The following GPC5 variants were observed in gnomAD, a reference collection of about 807,000 sequenced individuals.
The protein encoded by GPC5 is glypican-5.
In GPC5, 47 loss-of-function variants were observed where a neutral mutation model predicts 53.9. The observed-to-expected ratio is 0.87, with a 90% CI of 0.69 to 1.11. GPC5 has a LOEUF of 1.11. GPC5 is among the 50% of genes most tolerant of loss of function. GPC5 has a pLI of 0.00. For synonymous variants in GPC5, 286 were observed against 263.3 expected (o/e 1.09, Z -0.84); for missense variants, 748 against 713.1 (o/e 1.05, Z -0.56).
chr13:92,763,058 T>C (rs906177506), intron 7 of GPC5, among the ~76,000 whole-genome samples: 2 of 152,214 alleles, frequency 1.3e-5, no homozygotes, highest in African/African-American at 4.8e-5. Flanking sequence ...TGTATGTCAG[T>C]GAGTTTCTTA....
intron 2 of GPC5, among the ~76,000 whole-genome samples, chr13:91,553,275 C>T (rs1336574261): frequency 6.6e-6 from 1 of 152,102 alleles, no homozygotes; most frequent in Non-Finnish European, 1.5e-5. Flanking sequence ...CATTACCTGT[C>T]TTTCTCATTT....
intron 2 of GPC5, among the ~76,000 whole-genome samples, chr13:91,550,227 G>A (rs761925070): frequency 5.3e-5 from 8 of 152,024 alleles, no homozygotes; most frequent in Non-Finnish European, 1.0e-4. Context: ...GGGGTTGCAG[G>A]GATTTTGGTG....
intron 7 of GPC5, among the ~76,000 whole-genome samples, chr13:92,716,393 C>T (rs1293649942): frequency 6.6e-6 from 1 of 151,966 alleles, no homozygotes; most frequent in Non-Finnish European, 1.5e-5. Flanking sequence ...ACTTTCCTCT[C>T]ATCTTTCAAG....
intron 7 of GPC5, among the ~76,000 whole-genome samples, chr13:92,655,322 T>TTTATTTAC (rs1555299574): frequency 9.5e-5 from 13 of 136,536 alleles, no homozygotes; most frequent in Admixed American, 5.1e-4. Context: ...TATTTATTTA[T>TTTATTTAC]TTATTTATTT....
At chr13:92,488,827 C>T (rs1386145038) in intron 7 of GPC5, among the ~76,000 whole-genome samples, 1 of 152,114 alleles carries the variant, frequency 6.6e-6, no homozygotes, top group Non-Finnish European at 1.5e-5. Flanking sequence ...AAACTGCCCT[C>T]CGGAAAACTG....
intron 7 of GPC5, among the ~76,000 whole-genome samples, chr13:92,159,514 C>T: frequency 6.6e-6 from 1 of 151,772 alleles, no homozygotes; most frequent in Non-Finnish European, 1.5e-5. Context: ...CTTCCAAATC[C>T]CTAGATGCTG....
At chr13:91,462,946 GATTAT>G (rs1882025738) in intron 2 of GPC5, among the ~76,000 whole-genome samples, 3 of 152,012 alleles carry the variant, frequency 2.0e-5, no homozygotes. Context: ...TTTGAATGCA[GATTAT>G]ATTAAAGAAT....
At position 91,612,228 on chromosome 13, in the gene GPC5, T is replaced by A. The variant is rs886713170; in HGVS notation, c.326-80959T>A. 4.6e-5 allele frequency among the ~76,000 whole-genome samples: 7 copies of A among 152,194 alleles called. 1 individual carries two copies. The highest frequency in any genetic ancestry group is 1.7e-4 in the African/African-American group (7 of 41,456). On this transcript the variant is annotated intron_variant, in intron 2 of 7. Coordinates refer to ENST00000377067, the MANE Select transcript of GPC5 (RefSeq NM_004466.6). ...TAAGAATTTCCCCAGGTGACTGTGA[T>A]AATATGAAGAATAAATTATACTTCT...
intron 7 of GPC5, among the ~76,000 whole-genome samples, chr13:92,801,349 G>A (rs542995594): frequency 6.6e-6 from 1 of 151,686 alleles, no homozygotes; most frequent in African/African-American, 2.4e-5. Context: ...CTTAGCTGTT[G>A]TAACATCTTA....
intron 2 of GPC5, among the ~76,000 whole-genome samples, chr13:91,504,662 G>A (rs546125483): frequency 7.2e-4 from 109 of 152,198 alleles, no homozygotes; most frequent in Non-Finnish European, 1.1e-3. Context: ...ACCGTGTGGT[G>A]TGAAAGAAAC....
intron 5 of GPC5, among the ~76,000 whole-genome samples, chr13:91,759,225 TA>T (rs1275322278): frequency 6.6e-6 from 1 of 152,134 alleles, no homozygotes; most frequent in African/African-American, 2.4e-5. Flanking sequence ...GTCAATTCTT[TA>T]TTTTTTTTCA....
chr13:92,544,624 GC>G (rs1422088628), intron 7 of GPC5, among the ~76,000 whole-genome samples: 2 of 152,080 alleles, frequency 1.3e-5, no homozygotes, highest in Admixed American at 1.3e-4. Flanking sequence ...CCATGAAGCA[GC>G]TGGCTCTTCC....
intron 7 of GPC5, among the ~76,000 whole-genome samples, chr13:92,500,870 AG>A (rs1336322467): frequency 6.6e-6 from 1 of 152,194 alleles, no homozygotes; most frequent in Non-Finnish European, 1.5e-5. Context: ...TCTGGATAAA[AG>A]ACCAAAAAAG....
chr13:92,379,354 C>T lies in GPC5; in HGVS notation c.1561+234365C>T, dbSNP rs1230256747. The stretch of plus-strand genomic sequence containing the variant: ...AGACCTGAAATGCAGAAGAGCTGCA[C>T]TTTTTTATTTTTCTTACCCCTCTTC... On this transcript the variant is annotated intron_variant, in intron 7 of 7. Coordinates refer to ENST00000377067, the MANE Select transcript of GPC5 (RefSeq NM_004466.6). Among the ~76,000 whole-genome samples the T allele has an allele frequency of 2.0e-5, 3 of 152,182 alleles. No individual in the cohort carries two copies. The East Asian group carries it at 5.8e-4, about 29-fold the overall frequency.
At chr13:92,038,718 T>C (rs1057133716) in intron 6 of GPC5, among the ~76,000 whole-genome samples, 1 of 145,536 alleles carries the variant, frequency 6.9e-6, no homozygotes, top group South Asian at 2.1e-4. Flanking sequence ...AGATAGATAG[T>C]ATATACATAT....
chr13:92,046,704 G>A (rs1594742226), intron 6 of GPC5, among the ~76,000 whole-genome samples: 1 of 152,290 alleles, frequency 6.6e-6, no homozygotes, highest in African/African-American at 2.4e-5. Flanking sequence ...CAAATGTAAA[G>A]AGGTTCTGCT....
chr13:92,048,270 A>T (rs1440279810), intron 6 of GPC5, among the ~76,000 whole-genome samples: 1 of 119,824 alleles, frequency 8.3e-6, no homozygotes, highest in Non-Finnish European at 1.9e-5. Flanking sequence ...CAACGTTGTA[A>T]CATATATTAT....
chr13:92,787,694 G>GA (rs1303852052), intron 7 of GPC5, among the ~76,000 whole-genome samples: 5 of 132,258 alleles, frequency 3.8e-5, no homozygotes, highest in Non-Finnish European at 7.8e-5. Flanking sequence ...GAAAAGAAAA[G>GA]AAAGAAAGAA....
chr13:92,298,855 T>C (rs1052833913), intron 7 of GPC5, among the ~76,000 whole-genome samples: 1 of 152,330 alleles, frequency 6.6e-6, no homozygotes. Context: ...TCCGCCATGA[T>C]CTGCGGATGA....
Sources: gnomAD v4.1 joint callset for allele counts (sites outside exome capture counted in the v4.1 genomes callset) on GRCh38, gnomAD v4.1.1 for gene constraint, MANE v1.5 for transcripts, NCBI Gene and HGNC (gene_info 2026-07-23, HGNC 2026-07-21) for gene names.